The following ALG13 variants were observed in gnomAD, a reference collection of about 807,000 sequenced individuals.
ALG13 encodes ALG13 UDP-N-acetylglucosaminyltransferase subunit.
Under a neutral mutation model 87.8 loss-of-function variants are expected in ALG13, and 11 were observed. The ratio of observed to expected loss-of-function variants is 0.13; its 90% CI spans 0.08 to 0.21. ALG13 has a LOEUF of 0.21. Ranked by LOEUF, ALG13 falls within the 10% of genes least tolerant of loss-of-function variation. ALG13 has a pLI of 1.00. For missense variants in ALG13, 756 were observed against 866.1 expected, an observed-to-expected ratio of 0.87 and a Z score of 1.60; for synonymous variants, 320 against 306.3, an observed-to-expected ratio of 1.04 and a Z score of -0.47.
chrX:111,681,670 G>A (rs915482040), intron 1 of ALG13: 1 of 885,497 alleles, frequency 1.1e-6, no homozygotes, highest in Non-Finnish European at 1.4e-6. Context: ...TTTTCCTCAG[G>A]CCCCCCTGTG....
At chrX:111,722,983 C>A in intron 13 of ALG13, 126 bp downstream of exon 13, 1 of 474,548 alleles carries the variant, frequency 2.1e-6, no homozygotes, top group Non-Finnish European at 3.5e-6. Flanking sequence ...GAGATAGGGT[C>A]TAGCTCTGTT....
chrX:111,723,715 C>T (rs1941670187), intron 13 of ALG13, 83 bp from the exon 14 acceptor site: 1 of 571,662 alleles, frequency 1.7e-6, no homozygotes, highest in Non-Finnish European at 2.8e-6. Flanking sequence ...AGACACTGAA[C>T]TCCATTTGGG....
intron 21 of ALG13, among the ~76,000 whole-genome samples, chrX:111,732,966 A>G (rs1226754244): frequency 1.8e-5 from 2 of 111,311 alleles, no homozygotes; most frequent in South Asian, 3.8e-4. Context: ...CACTTGTCAC[A>G]TGTTCCTTTT....
intron 12 of ALG13, among the ~76,000 whole-genome samples, chrX:111,722,044 A>C (rs1941450601): frequency 8.9e-6 from 1 of 112,010 alleles, no homozygotes; most frequent in Non-Finnish European, 1.9e-5. Flanking sequence ...TGAGTAGGTT[A>C]GGCCTGTGGG....
At chrX:111,758,884 G>A (rs1381749999) in intron 26 of ALG13, among the ~76,000 whole-genome samples, 3 of 111,690 alleles carry the variant, frequency 2.7e-5, no homozygotes, top group Admixed American at 1.9e-4. Flanking sequence ...TGGATCACCT[G>A]AGGTCAGGAG....
chrX:111,744,766 CCA>C lies in ALG13; in HGVS notation c.2796_2797del (p.Pro933SerfsTer15). On this transcript the variant is annotated frameshift_variant, in exon 24 of 27. Transcript: ENST00000394780. LOFTEE classifies it high-confidence loss of function. The stretch of plus-strand genomic sequence containing the variant: ...ACCACCACCACCACCACCACCACCA[CCA>C]CCTCCTCCTCCTCCTCCTCCTCCTC... Reference protein sequence around the residue: ...PPPPPPPPPPPPPPPPPPPPP... With the variant: ...PPPPPPPPPPXPPPPPPPPPP... 1.0e-6 allele frequency: 1 copy of C among 998,138 alleles called. No homozygotes were observed. Among genetic ancestry groups the C allele is most frequent in the East Asian group, 4.0e-5 (1 of 24,782 alleles). 82.3% of individuals were successfully genotyped at this position (998,138 alleles called of 1,213,427 possible).
rs780328365 is a variant in ALG13 at position 111,709,315 on chromosome X, A to C, written c.834+267A>C. On this transcript the variant is annotated intron_variant, in intron 5 of 26. Coordinates refer to ENST00000394780, the MANE Select transcript of ALG13 (RefSeq NM_001099922.3). ...TACGCCAAGAACTCCAGACCCTAAA[A>C]AGTTATGTTTTGATTGCTGTTTTAT... Among the ~76,000 whole-genome samples the C allele has an allele frequency of 2.7e-5, 3 of 112,183 alleles. No homozygotes were observed. The South Asian group carries it at 1.1e-3, about 42-fold the overall frequency.
chrX:111,752,388 A>C (rs970312126), intron 24 of ALG13, among the ~76,000 whole-genome samples: 1 of 111,548 alleles, frequency 9.0e-6, no homozygotes, highest in African/African-American at 3.3e-5. Flanking sequence ...GATTACATTG[A>C]TATCTTAATA....
At chrX:111,741,205 C>T (rs1257350179) in intron 23 of ALG13, among the ~76,000 whole-genome samples, 1 of 111,679 alleles carries the variant, frequency 9.0e-6, no homozygotes, top group African/African-American at 3.3e-5. Flanking sequence ...CTATGGGAAG[C>T]TTGTCAGGTC....
At position 111,744,848 on chromosome X, in the gene ALG13, C is replaced by CACCACT. The variant is rs1380424842; in HGVS notation, c.2882_2887dup (p.Leu961_Pro962dup). The CACCACT allele has an allele frequency of 1.7e-6, 2 of 1,206,912 alleles. No homozygotes were observed. Among genetic ancestry groups the CACCACT allele is most frequent in the East Asian group, 5.9e-5 (2 of 33,658 alleles). ...GAGACTTCAAACTTACAACCACCAC[C>CACCACT]ACCACTACCACCTCCACCTTATTCC... is the stretch of plus-strand genomic sequence containing the variant. On this transcript the variant is annotated inframe_insertion, in exon 24 of 27. Coordinates refer to ENST00000394780, the MANE Select transcript of ALG13 (RefSeq NM_001099922.3).
At chrX:111,701,465 C>A (rs909963756) in intron 3 of ALG13, among the ~76,000 whole-genome samples, 1 of 111,558 alleles carries the variant, frequency 9.0e-6, no homozygotes. Context: ...TCCATTTCTT[C>A]TAGACTATCC....
chrX:111,683,010 T>TG (rs1235828250), intron 2 of ALG13, among the ~76,000 whole-genome samples: 2 of 110,829 alleles, frequency 1.8e-5, no homozygotes, highest in African/African-American at 6.6e-5. Flanking sequence ...TTCCTTTCTT[T>TG]TTTTTTTTTA....
At chrX:111,696,982 CTTTTTTT>C (rs55888261) in intron 3 of ALG13, among the ~76,000 whole-genome samples, 10 of 74,132 alleles carry the variant, frequency 1.3e-4, no homozygotes, top group East Asian at 4.2e-4. Context: ...TGGTTCTTAC[CTTTTTTT>C]TTTTTTTTTT....
chrX:111,713,721 TGCTCCCTTAGCA>T (rs1940155007), intron 8 of ALG13, among the ~76,000 whole-genome samples: 1 of 112,103 alleles, frequency 8.9e-6, no homozygotes, highest in South Asian at 3.7e-4. Flanking sequence ...TCTCACTTTG[TGCTCCCTTAGCA>T]GCTCCCAAGT....
chrX:111,684,713 A>G (rs1400745981), intron 2 of ALG13, among the ~76,000 whole-genome samples: 1 of 112,249 alleles, frequency 8.9e-6, no homozygotes, highest in East Asian at 2.8e-4. Context: ...AGCAAGTAGC[A>G]TAGCACTGAA....
chrX:111,723,684 A>C (rs1349977607), intron 13 of ALG13, 114 bp from the exon 14 acceptor site: 1 of 466,461 alleles, frequency 2.1e-6, no homozygotes, highest in Non-Finnish European at 3.7e-6. Flanking sequence ...GGCAGTGTTG[A>C]TACGAATTAC....
rs1172306391 is a variant in ALG13, at chrX:111,732,167, A to G, written c.2457+1587A>G. 2.7e-5 allele frequency among the ~76,000 whole-genome samples: 3 copies of G among 111,813 alleles called. No individual in the cohort carries two copies. The Admixed American group carries it at 2.8e-4, about 11-fold the overall frequency. ...TCTCTCCTACATACACCTGTCTTAA[A>G]ATAACTTGCTTTAGACAATGCCAAC... is the stretch of plus-strand genomic sequence containing the variant. On this transcript the variant is annotated intron_variant, in intron 21 of 26. Coordinates refer to ENST00000394780, the MANE Select transcript of ALG13 (RefSeq NM_001099922.3).
At chrX:111,712,024 A>C (rs1286008959) in intron 6 of ALG13, among the ~76,000 whole-genome samples, 1 of 111,950 alleles carries the variant, frequency 8.9e-6, no homozygotes, top group Non-Finnish European at 1.9e-5. Context: ...GGTGGTAATG[A>C]ATTTTACCAA....
chrX:111,754,941 A>G (rs1332643889), intron 25 of ALG13, among the ~76,000 whole-genome samples: 1 of 112,216 alleles, frequency 8.9e-6, no homozygotes, highest in Non-Finnish European at 1.9e-5. Flanking sequence ...ATATGGAACC[A>G]AAAAAGAGTC....
Sources: gnomAD v4.1 joint callset for allele counts (sites outside exome capture counted in the v4.1 genomes callset) on GRCh38, gnomAD v4.1.1 for gene constraint, MANE v1.5 for transcripts, NCBI Gene and HGNC (gene_info 2026-07-23, HGNC 2026-07-21) for gene names.